KIRREL3: variants seen among roughly 807,000 people sequenced by gnomAD.
KIRREL3 encodes the protein kin of IRRE-like protein 3.
Under a neutral mutation model 89.7 loss-of-function variants are expected in KIRREL3, and 36 were observed. The ratio of observed to expected loss-of-function variants is 0.40; its 90% confidence interval spans 0.31 to 0.53. The LOEUF (loss-of-function observed/expected upper bound fraction) is 0.53, where lower values mean the gene tolerates loss of function less well. Ranked by LOEUF, KIRREL3 falls within the 20% of genes least tolerant of loss-of-function variation. KIRREL3 has a pLI of 0.49. For synonymous variants in KIRREL3, 445 were observed against 441.4 expected (o/e 1.01, Z -0.10); for missense variants, 864 against 1,056.6 (o/e 0.82, Z 2.53).
At position 126,563,971 on chromosome 11, in the gene KIRREL3, G is replaced by A. The variant is rs775096961; in HGVS notation, c.56-1059C>T. On this transcript the variant is annotated intron_variant, in intron 1 of 16. Coordinates refer to ENST00000525144, the MANE Select transcript of KIRREL3 (RefSeq NM_032531.4). This position sits in a 1 kb window ranked among gnomAD's most constrained non-coding sequence, Gnocchi z 6.8. ...TCAACCATGTTAAATGACTTCCCAC[G>A]ATTGTCTTAGACCCCCACCCCACCT... Among the ~76,000 whole-genome samples, 4 of 152,160 alleles carry A rather than the reference G, an allele frequency of 2.6e-5. No individual in the cohort carries two copies. Among genetic ancestry groups the A allele is most frequent in the Non-Finnish European group, 5.9e-5 (4 of 68,036 alleles).
At chr11:126,878,759 A>T (rs1390850988) in intron 1 of KIRREL3, among the ~76,000 whole-genome samples, 7 of 152,156 alleles carry the variant, frequency 4.6e-5, no homozygotes, top group Admixed American at 4.6e-4. Context: ...ATTAAATGTG[A>T]TGGGAAACAC....
chr11:126,543,704 C>T (rs1276430658), intron 2 of KIRREL3, among the ~76,000 whole-genome samples: 1 of 152,198 alleles, frequency 6.6e-6, no homozygotes, highest in East Asian at 1.9e-4. Flanking sequence ...GAAACCTCTC[C>T]CATGGTGCCC....
At chr11:126,825,861 C>T (rs1050931715) in intron 1 of KIRREL3, among the ~76,000 whole-genome samples, 2 of 152,146 alleles carry the variant, frequency 1.3e-5, no homozygotes, top group African/African-American at 4.8e-5. Context: ...CACACAAGGC[C>T]GCCGAGTTGA....
At position 126,473,438 on chromosome 11, in the gene KIRREL3, C is replaced by T. The variant is rs748533250; in HGVS notation, c.462G>A (p.Gly154=). Residue 154 remains glycine (G), a synonymous_variant, in exon 5 of 17, where the codon GGG becomes GGA. Transcript: ENST00000525144. ...LVPPDDPVIL[G]GPVISLRAGD... ...CCGCACGCAGGCTGATCACAGGGCC[C>T]CCCAGGATGACGGGGTCATCAGGCG... The T allele has an allele frequency of 1.9e-6, 3 of 1,569,690 alleles. No individual in the cohort carries two copies. The highest frequency in any genetic ancestry group is 2.3e-5 in the South Asian group (2 of 86,868).
At chr11:126,447,936 C>T (rs1955885514) in intron 8 of KIRREL3, among the ~76,000 whole-genome samples, 1 of 152,190 alleles carries the variant, frequency 6.6e-6, no homozygotes, top group Admixed American at 6.5e-5. Context: ...CACATCCAGC[C>T]AGCTAGTCCA....
In KIRREL3 at chr11:126,816,492, A is replaced by G. The variant is rs115901427; in HGVS notation, c.55+183963T>C. Among the ~76,000 whole-genome samples the G allele has an allele frequency of 4.8e-3, 731 of 152,292 alleles. 3 individuals are homozygous for G. Among genetic ancestry groups the G allele is most frequent in the African/African-American group, 0.016 (650 of 41,560 alleles). Reference sequence around the variant, plus strand: ...CTTGGATTCACTGCCTCAATTCTGAATTATGTTACAACTGCTTAGAATTTT... The same window carrying G: ...CTTGGATTCACTGCCTCAATTCTGAGTTATGTTACAACTGCTTAGAATTTT... On this transcript the variant is annotated intron_variant, in intron 1 of 16. Coordinates refer to ENST00000525144, the MANE Select transcript of KIRREL3 (RefSeq NM_032531.4).
At chr11:126,451,610 A>ATGTGTG (rs1956169984) in intron 7 of KIRREL3, among the ~76,000 whole-genome samples, 1 of 131,466 alleles carries the variant, frequency 7.6e-6, no homozygotes. Context: ...GAGCATGTGC[A>ATGTGTG]TGTGTGCATG....
intron 1 of KIRREL3, among the ~76,000 whole-genome samples, chr11:126,738,950 T>G (rs1430758866): frequency 6.6e-6 from 1 of 152,230 alleles, no homozygotes; most frequent in Non-Finnish European, 1.5e-5. Context: ...AAACTATGAT[T>G]TTTTTGACTG....
rs957978045 is a variant in KIRREL3 at position 126,877,794 on chromosome 11, A to G, written c.55+122661T>C. On this transcript the variant is annotated intron_variant, in intron 1 of 16. Transcript: ENST00000525144. The surrounding 1 kb of genome is among the most constrained non-coding windows in gnomAD (Gnocchi z 4.9). ...CAGGAACAATGTAACAGAGAAAGTG[A>G]CATACAGTAGTATGTAATAACAGAA... Among the ~76,000 whole-genome samples, 1 of 152,226 alleles carries G rather than the reference A, an allele frequency of 6.6e-6. No homozygotes were observed. Among genetic ancestry groups the G allele is most frequent in the South Asian group, 2.1e-4 (1 of 4,828 alleles).
Position 126,627,226 on chromosome 11 carries a change from G to A in KIRREL3, c.56-64314C>T, listed in dbSNP as rs116925942. Among the ~76,000 whole-genome samples the A allele has an allele frequency of 2.0e-5, 3 of 152,198 alleles. No individual in the cohort carries two copies. Among genetic ancestry groups the A allele is most frequent in the African/African-American group, 7.2e-5 (3 of 41,454 alleles). On this transcript the variant is annotated intron_variant, in intron 1 of 16. Transcript: ENST00000525144. This position sits in a 1 kb window ranked among gnomAD's most constrained non-coding sequence, Gnocchi z 5.0. ...GAGGAACTGAAAGAGCCAGGGCACA[G>A]AGTGTGAAAGGGACCTATTTGGGAG...
chr11:126,598,953 C>T (rs188727410), intron 1 of KIRREL3, among the ~76,000 whole-genome samples: 43 of 152,332 alleles, frequency 2.8e-4, no homozygotes, highest in Admixed American at 2.1e-3. Context: ...CTGCCTCCCT[C>T]CCATTGTTTG....
At position 126,685,289 on chromosome 11, in the gene KIRREL3, A is replaced by G. The variant is rs1268888636; in HGVS notation, c.56-122377T>C. ...TGAACACACAATTGAGCAACAAAAC[A>G]TAGTCACACAGGGCCTGCCTCACAC... On this transcript the variant is annotated intron_variant, in intron 1 of 16. Transcript: ENST00000525144. The surrounding 1 kb of genome is among the most constrained non-coding windows in gnomAD (Gnocchi z 5.5). 6.6e-6 allele frequency among the ~76,000 whole-genome samples: 1 copy of G among 152,154 alleles called. No homozygotes were observed. Among genetic ancestry groups the G allele is most frequent in the Non-Finnish European group, 1.5e-5 (1 of 68,028 alleles).
intron 1 of KIRREL3, among the ~76,000 whole-genome samples, chr11:126,937,750 T>C (rs1948262230): frequency 6.6e-6 from 1 of 151,926 alleles, no homozygotes; most frequent in African/African-American, 2.4e-5. Context: ...ATACAAAAAA[T>C]CAGCCGGGCG....
Position 126,651,464 on chromosome 11 carries a change from C to T in KIRREL3, c.56-88552G>A, listed in dbSNP as rs150515794. Among the ~76,000 whole-genome samples the T allele has an allele frequency of 2.6e-5, 4 of 152,318 alleles. No individual in the cohort carries two copies. The East Asian group carries it at 7.7e-4, about 29-fold the overall frequency. On this transcript the variant is annotated intron_variant, in intron 1 of 16. Transcript: ENST00000525144. This position sits in a 1 kb window ranked among gnomAD's most constrained non-coding sequence, Gnocchi z 4.6. ...GCAGAGTCAGTGTAATTTCTCATGG[C>T]TGATTTTGACAGGAGATGTCAGGTT...
chr11:126,973,902 T>G (rs1441168825), intron 1 of KIRREL3, among the ~76,000 whole-genome samples: 2 of 152,162 alleles, frequency 1.3e-5, no homozygotes, highest in African/African-American at 2.4e-5. Context: ...ATGTGACAGA[T>G]AATGTCCTTT....
intron 1 of KIRREL3, among the ~76,000 whole-genome samples, chr11:126,825,815 C>T (rs1943386497): frequency 6.6e-6 from 1 of 152,192 alleles, no homozygotes; most frequent in African/African-American, 2.4e-5. Flanking sequence ...GATAAAAAAA[C>T]TGGGGCACAG....
chr11:126,823,570 C>T (rs1943297802), intron 1 of KIRREL3, among the ~76,000 whole-genome samples: 1 of 152,118 alleles, frequency 6.6e-6, no homozygotes, highest in Non-Finnish European at 1.5e-5. Context: ...AACTCCAGAG[C>T]CTGGATGGTC....
In KIRREL3 at chr11:126,750,918, T is replaced by A. The variant is rs1949314261; in HGVS notation, c.56-188006A>T. Among the ~76,000 whole-genome samples, 2 of 152,226 alleles carry A rather than the reference T, an allele frequency of 1.3e-5. No homozygotes were observed. Among genetic ancestry groups the A allele is most frequent in the African/African-American group, 4.8e-5 (2 of 41,460 alleles). On this transcript the variant is annotated intron_variant, in intron 1 of 16. Transcript: ENST00000525144. The surrounding 1 kb of genome is among the most constrained non-coding windows in gnomAD (Gnocchi z 4.2). ...CTTTGATTTGCAGGGCACCTCTCCC[T>A]AAGGTGCTAAACACATTTATAGATT...
chr11:126,438,696 G>A (rs1955450799), intron 11 of KIRREL3, among the ~76,000 whole-genome samples: 1 of 152,226 alleles, frequency 6.6e-6, no homozygotes, highest in Non-Finnish European at 1.5e-5. Flanking sequence ...AAGTGAATGG[G>A]GAGGCGTAGG....
Sources: allele counts gnomAD v4.1 joint callset (sites outside exome capture counted in the v4.1 genomes callset), GRCh38; gene constraint gnomAD v4.1.1; non-coding constraint Gnocchi (gnomAD v3.1); transcripts MANE v1.5; gene names NCBI Gene and HGNC (gene_info 2026-07-23, HGNC 2026-07-21).